TEN1: variants seen among roughly 807,000 people sequenced by gnomAD.
The protein encoded by TEN1 is TEN1 subunit of CST complex.
Under a neutral mutation model 9.3 loss-of-function variants are expected in TEN1, and 6 were observed. That is an observed-to-expected ratio of 0.65 (90% CI 0.35 to 1.27). The LOEUF is 1.27. Among genes scored for constraint, TEN1 ranks in the 50% most tolerant of loss-of-function variants. TEN1 has a pLI of 0.03. For synonymous variants in TEN1, 65 were observed against 65.6 expected, an observed-to-expected ratio of 0.99 and a Z score of 0.04; for missense variants, 149 against 158.2, an observed-to-expected ratio of 0.94 and a Z score of 0.31.
Position 76,000,180 on chromosome 17 carries a change from T to G in TEN1, c.290T>G (p.Val97Gly). 1 of 1,551,450 alleles carries G rather than the reference T, an allele frequency of 6.4e-7. No individual in the cohort carries two copies. Among genetic ancestry groups the G allele is most frequent in the Non-Finnish European group, 8.7e-7 (1 of 1,146,954 alleles). Residue 97 changes from valine (V) to glycine (G), a missense_variant, in exon 4 of 4, where the codon GTG (valine) becomes GGG (glycine). Physicochemically the swap from Val to Gly is moderately radical, Grantham distance 109. Coordinates refer to ENST00000397640, the MANE Select transcript of TEN1 (RefSeq NM_001113324.3). The surrounding 1 kb of genome is among the most constrained non-coding windows in gnomAD (Gnocchi z 5.9). ...SVVKARVLTC[V>G]EGMNLPLLEQ... Reference sequence around the variant, plus strand: ...GTGAAGGCGCGCGTGCTGACCTGTGTGGAGGGGATGAACCTGCCCTTGTTG... The same window carrying G: ...GTGAAGGCGCGCGTGCTGACCTGTGGGGAGGGGATGAACCTGCCCTTGTTG...
chr17:75,980,263 C>T (rs117484295), intron 1 of TEN1, among the ~76,000 whole-genome samples: 3,101 of 152,118 alleles, frequency 0.02, 77 homozygotes, highest in East Asian at 0.13. Flanking sequence ...GGCTTGAGCC[C>T]CGGAGGTGGA....
chr17:75,985,290 T>G (rs909013000), intron 1 of TEN1, among the ~76,000 whole-genome samples: 1 of 150,400 alleles, frequency 6.6e-6, no homozygotes, highest in African/African-American at 2.4e-5. Context: ...GGACTACAGG[T>G]GAGAGACACC....
At chr17:75,996,297 C>T (rs1468919570) in intron 3 of TEN1, among the ~76,000 whole-genome samples, 1 of 151,842 alleles carries the variant, frequency 6.6e-6, no homozygotes, top group Non-Finnish European at 1.5e-5. Flanking sequence ...ACCGGCCTGA[C>T]CAACATGGTG....
chr17:75,982,238 G>C (rs2066126378), intron 1 of TEN1, among the ~76,000 whole-genome samples: 1 of 151,988 alleles, frequency 6.6e-6, no homozygotes, highest in African/African-American at 2.4e-5. Context: ...GGCCTTGCTG[G>C]GCCTCCCCAC....
chr17:75,994,430 G>A (rs113042909), intron 3 of TEN1, among the ~76,000 whole-genome samples: 50,196 of 145,956 alleles, frequency 0.34, 8,693 homozygotes, highest in Middle Eastern at 0.39. Flanking sequence ...GCAAAACTCC[G>A]TCTCAAAAAA....
At chr17:75,986,767 G>A (rs969174940) in intron 2 of TEN1, among the ~76,000 whole-genome samples, 2 of 151,526 alleles carry the variant, frequency 1.3e-5, no homozygotes, top group Admixed American at 6.6e-5. Context: ...ATTGTAAAAA[G>A]TGTAGATAGT....
At chr17:75,980,107 C>G (rs2066105903) in intron 1 of TEN1, among the ~76,000 whole-genome samples, 1 of 152,032 alleles carries the variant, frequency 6.6e-6, no homozygotes, top group Non-Finnish European at 1.5e-5. Flanking sequence ...GAGGACGAGG[C>G]GGGCGTATCA....
intron 3 of TEN1, among the ~76,000 whole-genome samples, chr17:75,993,462 A>G (rs934419430): frequency 1.2e-4 from 19 of 152,254 alleles, no homozygotes; most frequent in African/African-American, 4.1e-4. Flanking sequence ...CGTAAATTCA[A>G]AGTCATCACT....
In TEN1 at chr17:76,000,050, G is replaced by C; in HGVS notation, c.251-91G>C. The C allele has an allele frequency of 6.7e-7, 1 of 1,494,536 alleles. No individual in the cohort carries two copies. Among genetic ancestry groups the C allele is most frequent in the Non-Finnish European group, 9.0e-7 (1 of 1,113,710 alleles). 92.6% of individuals were successfully genotyped at this position (1,494,536 alleles called of 1,614,324 possible). On this transcript the variant is annotated intron_variant, in intron 3 of 3. Coordinates refer to ENST00000397640, the MANE Select transcript of TEN1 (RefSeq NM_001113324.3). The surrounding 1 kb of genome is among the most constrained non-coding windows in gnomAD (Gnocchi z 5.9). Reference sequence around the variant, plus strand: ...TCACTTGCTGCCAAAACCCAGGACTGAGCTGTGGAGGGAACAGCTGGAATG... The same window carrying C: ...TCACTTGCTGCCAAAACCCAGGACTCAGCTGTGGAGGGAACAGCTGGAATG...
chr17:75,985,068 A>C (rs1218738638), intron 1 of TEN1: 1 of 152,026 alleles, frequency 6.6e-6, no homozygotes, highest in African/African-American at 2.4e-5. Flanking sequence ...ACATGGTGAA[A>C]CCCCATCTCT....
chr17:75,998,492 T>G (rs1173665186), intron 3 of TEN1, among the ~76,000 whole-genome samples: 2 of 152,188 alleles, frequency 1.3e-5, no homozygotes, highest in Non-Finnish European at 2.9e-5. Flanking sequence ...TAACAGAAGC[T>G]GAGACACACA....
In TEN1 at chr17:75,979,468, G is replaced by T; in HGVS notation, c.-50G>T. On this transcript the variant is annotated 5_prime_UTR_variant, in exon 1 of 4. Transcript: ENST00000397640. ...CCCCTCCCCCGTCACGTGACCACGC[G>T]AGGCGGAAAGAAGAAATCCGAGGAC... is the stretch of plus-strand genomic sequence containing the variant. 1 of 343,440 alleles carries T rather than the reference G, an allele frequency of 2.9e-6. No homozygotes were observed. Among genetic ancestry groups the T allele is most frequent in the Non-Finnish European group, 5.6e-6 (1 of 177,296 alleles). The allele number at this position is 343,440 out of a possible 1,614,324, so 21.3% of individuals were successfully genotyped here. A position where few individuals can be genotyped will look rare whatever the true frequency, so the allele number is the denominator to read the frequency against.
chr17:75,995,146 A>T (rs2066211176), intron 3 of TEN1, among the ~76,000 whole-genome samples: 1 of 151,798 alleles, frequency 6.6e-6, no homozygotes, highest in South Asian at 2.1e-4. Context: ...GCTTGAGTCC[A>T]GGAGTTCAAG....
At chr17:75,989,411 CTTTT>C (rs1416990105) in intron 2 of TEN1, among the ~76,000 whole-genome samples, 1 of 143,676 alleles carries the variant, frequency 7.0e-6, no homozygotes, top group African/African-American at 2.6e-5. Context: ...CGCACCTGGC[CTTTT>C]TTGTTTTTTT....
intron 2 of TEN1, among the ~76,000 whole-genome samples, chr17:75,991,149 C>CAAAAAAAAAAAAAAAAAAAAAAAAA (rs71361699): frequency 2.8e-5 from 2 of 70,194 alleles, no homozygotes; most frequent in African/African-American, 1.3e-4. Flanking sequence ...GACTCCATCT[C>CAAAAAAAAAAAAAAAAAAAAAAAAA]AAAAAAAAAA....
chr17:75,988,240 CAAAAA>C (rs749108730), intron 2 of TEN1, among the ~76,000 whole-genome samples: 9 of 89,426 alleles, frequency 1.0e-4, no homozygotes, highest in Admixed American at 8.1e-4. Flanking sequence ...AATTCGGCCT[CAAAAA>C]AAAAAAAAAA....
At chr17:75,993,772 G>A (rs2066201670) in intron 3 of TEN1, among the ~76,000 whole-genome samples, 1 of 152,052 alleles carries the variant, frequency 6.6e-6, no homozygotes, top group African/African-American at 2.4e-5. Context: ...CGAGGCGGGC[G>A]GATCTCGAGG....
At chr17:75,995,709 CACAGCAA>C (rs1331468536) in intron 3 of TEN1, among the ~76,000 whole-genome samples, 1 of 152,178 alleles carries the variant, frequency 6.6e-6, no homozygotes, top group Non-Finnish European at 1.5e-5. Flanking sequence ...GGCACTGGAC[CACAGCAA>C]ACAGCAAGCA....
At chr17:75,980,144 C>A (rs796549079) in intron 1 of TEN1, among the ~76,000 whole-genome samples, 6 of 152,220 alleles carry the variant, frequency 3.9e-5, no homozygotes, top group African/African-American at 1.4e-4. Context: ...CAAGACCAGC[C>A]TGGGCAACAT....
Sources: allele counts gnomAD v4.1 joint callset (sites outside exome capture counted in the v4.1 genomes callset), GRCh38; gene constraint gnomAD v4.1.1; non-coding constraint Gnocchi (gnomAD v3.1); transcripts MANE v1.5; gene names NCBI Gene and HGNC (gene_info 2026-07-23, HGNC 2026-07-21).